The following PDE1A variants were observed in gnomAD, a reference collection of about 807,000 sequenced individuals.
The protein encoded by PDE1A is phosphodiesterase 1A, also known as dual specificity calcium/calmodulin-dependent 3',5'-cyclic nucleotide phosphodiesterase 1A.
In PDE1A, 35 loss-of-function variants were observed where a neutral mutation model predicts 61.7. The observed-to-expected ratio is 0.57, with a 90% CI of 0.43 to 0.75. PDE1A has a LOEUF of 0.75. PDE1A is among the 30% of genes least tolerant of loss of function. The pLI is 0.00. For synonymous variants in PDE1A, 232 were observed against 213.2 expected, an observed-to-expected ratio of 1.09 and a Z score of -0.77; for missense variants, 597 against 630.6, an observed-to-expected ratio of 0.95 and a Z score of 0.57.
At chr2:182,633,894 G>A in the PDE1A span, among the ~76,000 whole-genome samples, 1,986 of 152,056 alleles carry the variant, frequency 0.013, 30 homozygotes, top group African/African-American at 0.045. Context: ...GACCAGCCTG[G>A]CCAACATGGC....
chr2:182,556,949 T>C, the PDE1A span, among the ~76,000 whole-genome samples: 1 of 152,324 alleles, frequency 6.6e-6, no homozygotes, highest in East Asian at 1.9e-4. Flanking sequence ...AATGGTAGAA[T>C]TGATATTTAC....
At chr2:182,446,763 T>C (rs1317026789) in intron 2 of PDE1A, among the ~76,000 whole-genome samples, 2 of 152,030 alleles carry the variant, frequency 1.3e-5, no homozygotes, top group Non-Finnish European at 2.9e-5. Flanking sequence ...TGGTAGAGAA[T>C]AAAGAGCATG....
chr2:182,183,643 TAGAG>T (rs1275801905), intron 13 of PDE1A, among the ~76,000 whole-genome samples: 11 of 152,006 alleles, frequency 7.2e-5, no homozygotes, highest in East Asian at 1.9e-4. Context: ...CCCTAGAAAT[TAGAG>T]AGCCATAGAA....
chr2:182,194,769 T>G (rs1685997007), intron 10 of PDE1A, among the ~76,000 whole-genome samples: 1 of 152,002 alleles, frequency 6.6e-6, no homozygotes, highest in Non-Finnish European at 1.5e-5. Flanking sequence ...TTTAAAAAAT[T>G]CTTAGTGTCT....
intron 2 of PDE1A, among the ~76,000 whole-genome samples, chr2:182,458,748 A>C (rs1157102369): frequency 6.6e-6 from 1 of 152,086 alleles, no homozygotes; most frequent in Non-Finnish European, 1.5e-5. Flanking sequence ...GTTCTTAACA[A>C]AGCAAAATGT....
chr2:182,530,515 A>T, the PDE1A span, among the ~76,000 whole-genome samples: 5 of 152,170 alleles, frequency 3.3e-5, no homozygotes, highest in Non-Finnish European at 7.4e-5. Flanking sequence ...TGAGGAAAAA[A>T]TCTTGAAAGC....
At chr2:182,528,515 G>A in the PDE1A span, among the ~76,000 whole-genome samples, 72 of 152,338 alleles carry the variant, frequency 4.7e-4, no homozygotes, top group African/African-American at 1.7e-3. Context: ...CTGAGGATGT[G>A]ATAGAAAGGA....
chr2:182,320,129 T>G (rs1696607306), intron 1 of PDE1A, among the ~76,000 whole-genome samples: 1 of 152,192 alleles, frequency 6.6e-6, no homozygotes, highest in African/African-American at 2.4e-5. Context: ...AACTGTTTAA[T>G]TAATGAATAT....
chr2:182,628,532 A>G, the PDE1A span, among the ~76,000 whole-genome samples: 1 of 152,296 alleles, frequency 6.6e-6, no homozygotes, highest in African/African-American at 2.4e-5. Flanking sequence ...CAAACCCAAG[A>G]GGACATTCAT....
chr2:182,513,141 A>C (rs1689915183), intron 2 of PDE1A, among the ~76,000 whole-genome samples: 1 of 152,146 alleles, frequency 6.6e-6, no homozygotes, highest in Admixed American at 6.5e-5. Flanking sequence ...CCTAAGACAC[A>C]TGGGCATCAG....
At chr2:182,194,761 T>TA (rs1445789394) in intron 10 of PDE1A, among the ~76,000 whole-genome samples, 1 of 151,986 alleles carries the variant, frequency 6.6e-6, no homozygotes, top group Non-Finnish European at 1.5e-5. Context: ...ATACAGCATT[T>TA]AAAAAATTCT....
At chr2:182,442,351 G>A (rs2125681709) in intron 2 of PDE1A, among the ~76,000 whole-genome samples, 1 of 152,072 alleles carries the variant, frequency 6.6e-6, no homozygotes, top group South Asian at 2.1e-4. Context: ...CAAATTAAAA[G>A]ACCCAAGAGA....
the PDE1A span, among the ~76,000 whole-genome samples, chr2:182,536,839 T>C: frequency 6.6e-6 from 1 of 152,234 alleles, no homozygotes; most frequent in Non-Finnish European, 1.5e-5. Context: ...GACATTTGCC[T>C]TTGGAGCCTT....
the PDE1A span, among the ~76,000 whole-genome samples, chr2:182,575,225 T>G: frequency 6.6e-6 from 1 of 152,156 alleles, no homozygotes; most frequent in Non-Finnish European, 1.5e-5. Context: ...CCCATTGACC[T>G]TAATCACAGA....
intron 1 of PDE1A, chr2:182,314,670 T>C (rs1451841363): frequency 6.6e-6 from 1 of 152,162 alleles, no homozygotes; most frequent in African/African-American, 2.4e-5. Context: ...AGTGGCTGCC[T>C]GGGACCAGGA....
intron 13 of PDE1A, among the ~76,000 whole-genome samples, chr2:182,156,779 A>G (rs556764237): frequency 6.6e-6 from 1 of 152,038 alleles, no homozygotes; most frequent in Non-Finnish European, 1.5e-5. Flanking sequence ...CAAGTCCTAT[A>G]CCCGTGGGGA....
intron 1 of PDE1A, among the ~76,000 whole-genome samples, chr2:182,401,029 T>C (rs1432353922): frequency 1.3e-5 from 2 of 152,154 alleles, no homozygotes; most frequent in African/African-American, 4.8e-5. Flanking sequence ...AAAAAACCTG[T>C]ATACCCTCTG....
the PDE1A span, among the ~76,000 whole-genome samples, chr2:182,629,694 T>C: frequency 3.3e-5 from 5 of 152,214 alleles, no homozygotes; most frequent in African/African-American, 1.2e-4. Context: ...GTTCTTATAA[T>C]CAACATTATG....
At chr2:182,407,416 C>G (rs1430777132) in intron 1 of PDE1A, among the ~76,000 whole-genome samples, 2 of 151,850 alleles carry the variant, frequency 1.3e-5, no homozygotes, top group Non-Finnish European at 2.9e-5. Flanking sequence ...GAGTCTTGCT[C>G]TATTGCCCAG....
Sources: gnomAD v4.1 joint callset for allele counts (sites outside exome capture counted in the v4.1 genomes callset) on GRCh38, gnomAD v4.1.1 for gene constraint, MANE v1.5 for transcripts, NCBI Gene and HGNC (gene_info 2026-07-23, HGNC 2026-07-21) for gene names.